PTPRD: variants seen among roughly 807,000 people sequenced by gnomAD.
PTPRD encodes protein tyrosine phosphatase receptor type D.
In PTPRD, 34 loss-of-function variants were observed where a neutral mutation model predicts 214.5. The observed-to-expected ratio is 0.16, with a 90% CI of 0.12 to 0.21. The LOEUF (loss-of-function observed/expected upper bound fraction) is 0.21. PTPRD is among the 10% of genes least tolerant of loss of function. The pLI is 1.00. For missense variants in PTPRD, 2,545 were observed against 2,398.7 expected (o/e 1.06, Z -1.27); for synonymous variants, 1,128 against 845.7 (o/e 1.33, Z -5.79).
intron 43 of PTPRD, among the ~76,000 whole-genome samples, chr9:8,333,068 G>A (rs1419303018): frequency 5.3e-5 from 8 of 152,178 alleles, no homozygotes; most frequent in Non-Finnish European, 1.2e-4. Flanking sequence ...ACAGGGACAT[G>A]CCAGATTCCT....
chr9:9,826,084 G>T (rs548955755), intron 5 of PTPRD, among the ~76,000 whole-genome samples: 1 of 151,434 alleles, frequency 6.6e-6, no homozygotes, highest in Non-Finnish European at 1.5e-5. Context: ...CTTCTTCAGG[G>T]ACTCCTGCTT....
At chr9:9,788,189 T>G (rs1235775504) in intron 5 of PTPRD, among the ~76,000 whole-genome samples, 1 of 152,030 alleles carries the variant, frequency 6.6e-6, no homozygotes, top group Non-Finnish European at 1.5e-5. Context: ...TATACACATA[T>G]GAATGTACAG....
intron 14 of PTPRD, among the ~76,000 whole-genome samples, chr9:8,625,653 A>T (rs978402706): frequency 2.6e-5 from 4 of 151,662 alleles, no homozygotes; most frequent in Non-Finnish European, 5.9e-5. Flanking sequence ...TATGACCAAA[A>T]ATCTATCAAT....
intron 2 of PTPRD, among the ~76,000 whole-genome samples, chr9:10,558,922 G>A (rs1165586488): frequency 6.6e-6 from 1 of 152,078 alleles, no homozygotes; most frequent in African/African-American, 2.4e-5. Context: ...TAGGAATTAT[G>A]TTTTAAAAGG....
chr9:9,148,498 T>C (rs116394096), intron 10 of PTPRD, among the ~76,000 whole-genome samples: 2,500 of 152,282 alleles, frequency 0.016, 83 homozygotes, highest in African/African-American at 0.058. Context: ...TGTCATTTGA[T>C]ACATACGTGT....
At chr9:10,604,914 G>T (rs578022571) in intron 2 of PTPRD, among the ~76,000 whole-genome samples, 1 of 151,868 alleles carries the variant, frequency 6.6e-6, no homozygotes, top group East Asian at 1.9e-4. Flanking sequence ...TATCATCTTG[G>T]CACTGTTTTT....
intron 2 of PTPRD, among the ~76,000 whole-genome samples, chr9:10,508,215 T>G (rs1023004061): frequency 2.5e-4 from 38 of 152,110 alleles, no homozygotes; most frequent in African/African-American, 9.2e-4. Flanking sequence ...GCACTGGCCA[T>G]CAGAGAAATG....
intron 44 of PTPRD, among the ~76,000 whole-genome samples, chr9:8,320,759 CTTCA>C (rs1175592125): frequency 1.7e-4 from 26 of 151,982 alleles, no homozygotes; most frequent in African/African-American, 6.0e-4. Flanking sequence ...TCTCTGTTGT[CTTCA>C]TTGTTTTAAG....
intron 8 of PTPRD, among the ~76,000 whole-genome samples, chr9:9,570,104 C>G (rs950093377): frequency 6.6e-6 from 1 of 151,416 alleles, no homozygotes; most frequent in African/African-American, 2.4e-5. Flanking sequence ...GAATAGGAAG[C>G]AAAAATTTCC....
chr9:8,901,713 A>G (rs2098670336), intron 11 of PTPRD, among the ~76,000 whole-genome samples: 1 of 152,192 alleles, frequency 6.6e-6, no homozygotes, highest in Non-Finnish European at 1.5e-5. Context: ...AAAATAAATT[A>G]CTTGAAATGA....
chr9:10,263,643 A>G (rs2093847990), intron 3 of PTPRD, among the ~76,000 whole-genome samples: 1 of 152,166 alleles, frequency 6.6e-6, no homozygotes, highest in African/African-American at 2.4e-5. Context: ...AGCAAAAAAT[A>G]AGAGTTTGGA....
intron 9 of PTPRD, among the ~76,000 whole-genome samples, chr9:9,291,284 A>C (rs1951056621): frequency 6.6e-6 from 1 of 151,434 alleles, no homozygotes; most frequent in Non-Finnish European, 1.5e-5. Flanking sequence ...ACTTTTCTTC[A>C]AAATGTAGAA....
chr9:9,658,001 T>A (rs903497914), intron 7 of PTPRD, among the ~76,000 whole-genome samples: 93 of 152,234 alleles, frequency 6.1e-4, no homozygotes, highest in Non-Finnish European at 1.8e-4. Context: ...TTATGTTTAG[T>A]TTCTTTTTGT....
intron 14 of PTPRD, among the ~76,000 whole-genome samples, chr9:8,531,380 G>T (rs1416735432): frequency 6.6e-6 from 1 of 151,954 alleles, no homozygotes; most frequent in African/African-American, 2.4e-5. Context: ...GTTGCTGGGG[G>T]GAAAAAGGAG....
intron 26 of PTPRD, among the ~76,000 whole-genome samples, chr9:8,495,568 A>C (rs1342009423): frequency 6.6e-6 from 1 of 152,232 alleles, no homozygotes; most frequent in Non-Finnish European, 1.5e-5. Flanking sequence ...CATGACCAGA[A>C]TTTAAACAAA....
intron 7 of PTPRD, among the ~76,000 whole-genome samples, chr9:9,714,041 T>C (rs950301662): frequency 7.0e-6 from 1 of 142,100 alleles, no homozygotes; most frequent in African/African-American, 2.7e-5. Context: ...GATATATAAA[T>C]GGCACAATGA....
chr9:10,034,032 TATC>T (rs1284180146), intron 3 of PTPRD, among the ~76,000 whole-genome samples: 3 of 152,138 alleles, frequency 2.0e-5, no homozygotes, highest in Non-Finnish European at 2.9e-5. Context: ...GAAGAATCAA[TATC>T]ATTAAAATGG....
At chr9:9,787,073 G>A (rs935486336) in intron 5 of PTPRD, among the ~76,000 whole-genome samples, 2 of 152,046 alleles carry the variant, frequency 1.3e-5, no homozygotes, top group Admixed American at 6.5e-5. Context: ...GGCAGCGGAG[G>A]TTGCAGTGAT....
intron 9 of PTPRD, among the ~76,000 whole-genome samples, chr9:9,250,817 C>T (rs1011922455): frequency 3.9e-5 from 6 of 152,012 alleles, no homozygotes; most frequent in African/African-American, 1.4e-4. Context: ...TGAGTCCCAA[C>T]AAATTTGTTT....
Sources: allele counts gnomAD v4.1 joint callset (sites outside exome capture counted in the v4.1 genomes callset), GRCh38; gene constraint gnomAD v4.1.1; transcripts MANE v1.5; gene names NCBI Gene and HGNC (gene_info 2026-07-23, HGNC 2026-07-21).